Variants in LOXHD1 observed in about 807,000 individuals in gnomAD.
LOXHD1 encodes the protein lipoxygenase homology domain-containing protein 1.
LOXHD1 carries 205 observed loss-of-function variants against 248.2 expected under a neutral mutation model. The observed-to-expected ratio is 0.83, with a 90% CI of 0.74 to 0.93. The LOEUF (loss-of-function observed/expected upper bound fraction) is 0.93. Among genes scored for constraint, LOXHD1 ranks in the 40% least tolerant of loss-of-function variants. The pLI is 0.00. For missense variants in LOXHD1, 2,930 were observed against 2,971.6 expected, an observed-to-expected ratio of 0.99 and a Z score of 0.33; for synonymous variants, 1,113 against 1,162.8, an observed-to-expected ratio of 0.96 and a Z score of 0.87.
At chr18:46,526,593 G>T (rs557839476) in intron 29 of LOXHD1, among the ~76,000 whole-genome samples, 14 of 152,240 alleles carry the variant, frequency 9.2e-5, no homozygotes, top group South Asian at 2.1e-4. Context: ...AGGGCACTCT[G>T]AACAGGCCAG....
intron 34 of LOXHD1, among the ~76,000 whole-genome samples, chr18:46,514,600 G>C (rs1030753771): frequency 6.6e-6 from 1 of 152,150 alleles, no homozygotes; most frequent in Admixed American, 6.5e-5. Context: ...ATCCTTTCCT[G>C]AAAGGGCAAC....
chr18:46,614,048 T>C (rs954513703), intron 5 of LOXHD1, among the ~76,000 whole-genome samples: 2 of 152,134 alleles, frequency 1.3e-5, no homozygotes, highest in Non-Finnish European at 2.9e-5. Context: ...AGAATGGTGA[T>C]CATTAAAAAG....
chr18:46,591,265 T>C (rs2038162965), intron 12 of LOXHD1, among the ~76,000 whole-genome samples: 1 of 152,252 alleles, frequency 6.6e-6, no homozygotes, highest in Non-Finnish European at 1.5e-5. Context: ...GTGCCATTTC[T>C]GATCAATTGT....
chr18:46,518,011 A>C, intron 34 of LOXHD1, 118 bp downstream of exon 34: 1 of 1,252,200 alleles, frequency 8.0e-7, no homozygotes, highest in Non-Finnish European at 1.1e-6. Context: ...AGGCAGAGGA[A>C]GGAAGGCCTC....
At chr18:46,576,790 G>A (rs111504720) in intron 14 of LOXHD1, among the ~76,000 whole-genome samples, 17,300 of 152,202 alleles carry the variant, frequency 0.11, 2,714 homozygotes, top group African/African-American at 0.35. Flanking sequence ...TGGGTTGGTG[G>A]GGTGCTAAGT....
intron 21 of LOXHD1, chr18:46,555,175 C>T (rs770748743): frequency 2.3e-5 from 11 of 470,996 alleles, no homozygotes; most frequent in African/African-American, 2.0e-4. Context: ...TTGTCCCCAG[C>T]CTCATGGTTC....
intron 9 of LOXHD1, 143 bp downstream of exon 9, chr18:46,594,188 G>T: frequency 9.4e-7 from 1 of 1,062,478 alleles, no homozygotes; most frequent in Non-Finnish European, 1.3e-6. Flanking sequence ...TGGCGGGGTT[G>T]GGGGAGCTTT....
intron 9 of LOXHD1, 96 bp from the exon 10 acceptor site, chr18:46,593,856 T>G (rs370722967): frequency 8.2e-6 from 11 of 1,345,910 alleles, no homozygotes; most frequent in Non-Finnish European, 1.1e-5. Flanking sequence ...TGATCAGGAC[T>G]GAAGGGCGGG....
intron 39 of LOXHD1, among the ~76,000 whole-genome samples, chr18:46,484,145 T>C (rs1016214454): frequency 6.6e-6 from 1 of 151,502 alleles, no homozygotes; most frequent in African/African-American, 2.4e-5. Flanking sequence ...TTGGGTGAAG[T>C]TTGGGTTCAG....
At chr18:46,594,606 T>G in intron 8 of LOXHD1, 140 bp from the exon 9 acceptor site, 1 of 997,240 alleles carries the variant, frequency 1.0e-6, no homozygotes, top group Non-Finnish European at 1.4e-6. Flanking sequence ...CTGTTGCCTA[T>G]CTCATTAAAT....
At chr18:46,651,957 C>A in intron 1 of LOXHD1, among the ~76,000 whole-genome samples, 1 of 152,188 alleles carries the variant, frequency 6.6e-6, no homozygotes, top group Non-Finnish European at 1.5e-5. Flanking sequence ...CAGCTTTATT[C>A]CTAATAGACC....
chr18:46,521,766 AC>A (rs1000560415), intron 32 of LOXHD1, among the ~76,000 whole-genome samples: 104 of 152,096 alleles, frequency 6.8e-4, no homozygotes, highest in Middle Eastern at 3.2e-3. Context: ...TCAAAGATGG[AC>A]CCCCACTAAC....
chr18:46,618,011 C>T (rs2144327785), intron 5 of LOXHD1, among the ~76,000 whole-genome samples, 181 bp downstream of exon 5: 1 of 152,252 alleles, frequency 6.6e-6, no homozygotes, highest in Middle Eastern at 3.4e-3. Flanking sequence ...AACTTTACAA[C>T]ACAAAATGAA....
At chr18:46,648,753 T>C (rs1450107220) in intron 2 of LOXHD1, among the ~76,000 whole-genome samples, 2 of 152,204 alleles carry the variant, frequency 1.3e-5, no homozygotes, top group East Asian at 3.8e-4. Context: ...TGGTCCCTGG[T>C]GAGACCTTGT....
intron 19 of LOXHD1, 33 bp downstream of exon 19, chr18:46,560,050 C>CCAGG: frequency 1.8e-6 from 2 of 1,125,788 alleles, no homozygotes; most frequent in Non-Finnish European, 1.3e-6. Flanking sequence ...CTGGCCACTC[C>CCAGG]CTCCCCACCC....
intron 37 of LOXHD1, among the ~76,000 whole-genome samples, chr18:46,502,844 G>GA (rs2034322666): frequency 6.6e-6 from 1 of 152,172 alleles, no homozygotes. Context: ...GGCTGACTGG[G>GA]AAGAGGTTAG....
chr18:46,641,176 C>A (rs1568230317), intron 3 of LOXHD1, among the ~76,000 whole-genome samples: 1 of 152,132 alleles, frequency 6.6e-6, no homozygotes, highest in Non-Finnish European at 1.5e-5. Context: ...CTTATTTCCC[C>A]AGCAAAGAGA....
intron 13 of LOXHD1, among the ~76,000 whole-genome samples, chr18:46,579,147 C>T (rs1599023037): frequency 6.6e-6 from 1 of 152,206 alleles, no homozygotes; most frequent in African/African-American, 2.4e-5. Flanking sequence ...GGGAGAATGC[C>T]AAGTTCCCAC....
chr18:46,494,283 C>T (rs902875343), intron 37 of LOXHD1, among the ~76,000 whole-genome samples: 1 of 152,154 alleles, frequency 6.6e-6, no homozygotes, highest in Non-Finnish European at 1.5e-5. Context: ...GTGGTATAGA[C>T]TTAGCATTCA....
Sources: allele counts gnomAD v4.1 joint callset (sites outside exome capture counted in the v4.1 genomes callset), GRCh38; gene constraint gnomAD v4.1.1; transcripts MANE v1.5; gene names NCBI Gene and HGNC (gene_info 2026-07-23, HGNC 2026-07-21).